Variants in TRIM44 observed in about 807,000 individuals in gnomAD.
TRIM44 encodes tripartite motif containing 44.
A neutral mutation model predicts 37.4 loss-of-function variants in TRIM44; 13 were observed. The observed-to-expected ratio is 0.35, with a 90% confidence interval of 0.23 to 0.55. The LOEUF is 0.55. Among genes scored for constraint, TRIM44 ranks in the 20% least tolerant of loss-of-function variants. TRIM44 has a pLI of 0.89. For missense variants in TRIM44, 426 were observed against 437.2 expected (o/e 0.97, Z 0.23); for synonymous variants, 175 against 157.2 (o/e 1.11, Z -0.85).
At chr11:35,788,370 T>C (rs1853156933) in intron 4 of TRIM44, among the ~76,000 whole-genome samples, 1 of 152,202 alleles carries the variant, frequency 6.6e-6, no homozygotes, top group Non-Finnish European at 1.5e-5. Flanking sequence ...ATTCAAGGAT[T>C]ATCTGTGGAT....
chr11:35,700,099 CT>C (rs890022854), intron 2 of TRIM44, among the ~76,000 whole-genome samples: 23 of 152,206 alleles, frequency 1.5e-4, no homozygotes, highest in Admixed American at 5.2e-4. Context: ...GAAAAAACTA[CT>C]TTAAAGTTCA....
intron 4 of TRIM44, among the ~76,000 whole-genome samples, chr11:35,775,983 A>G (rs965938715): frequency 1.3e-5 from 2 of 152,256 alleles, no homozygotes; most frequent in Non-Finnish European, 2.9e-5. Flanking sequence ...TGCTGGCCTC[A>G]TAAAATGAGT....
At chr11:35,682,049 C>G (rs1308146062) in intron 1 of TRIM44, among the ~76,000 whole-genome samples, 1 of 150,364 alleles carries the variant, frequency 6.7e-6, no homozygotes, top group Non-Finnish European at 1.5e-5. Flanking sequence ...GCCTCTGCCT[C>G]CCAGGTTCAG....
Position 35,715,222 on chromosome 11 carries a change from G to A in TRIM44, c.748-10702G>A, listed in dbSNP as rs185789546. Among the ~76,000 whole-genome samples the A allele has an allele frequency of 1.1e-4, 16 of 152,256 alleles. No homozygotes were observed. In the East Asian group the frequency reaches 2.7e-3, roughly 26 times the overall value. Reference sequence around the variant, plus strand: ...CTGGGAGGAGAGGATGCTTGGCGGCGATGCCACAGTCATAGTGGTTAGACA... The same window carrying A: ...CTGGGAGGAGAGGATGCTTGGCGGCAATGCCACAGTCATAGTGGTTAGACA... On this transcript the variant is annotated intron_variant, in intron 2 of 4. Coordinates refer to ENST00000299413, the MANE Select transcript of TRIM44 (RefSeq NM_017583.6).
chr11:35,754,666 C>T (rs1218839739), intron 4 of TRIM44, among the ~76,000 whole-genome samples: 5 of 136,004 alleles, frequency 3.7e-5, no homozygotes, highest in African/African-American at 1.3e-4. Flanking sequence ...CCCCCCACCC[C>T]ACAGCAGGCC....
chr11:35,746,093 G>T (rs1428097044), intron 4 of TRIM44, among the ~76,000 whole-genome samples: 2 of 152,206 alleles, frequency 1.3e-5, no homozygotes, highest in Non-Finnish European at 2.9e-5. Context: ...CAATTAAGTT[G>T]ATGTGAAGGA....
chr11:35,762,422 T>C (rs1348768552), intron 4 of TRIM44, among the ~76,000 whole-genome samples: 1 of 152,174 alleles, frequency 6.6e-6, no homozygotes, highest in Non-Finnish European at 1.5e-5. Context: ...TGAAGAATGC[T>C]CACTCCAGAG....
chr11:35,748,332 A>AAGTGATGAACTTGTTTAGGT (rs1463091848), intron 4 of TRIM44, among the ~76,000 whole-genome samples: 1 of 152,184 alleles, frequency 6.6e-6, no homozygotes, highest in Non-Finnish European at 1.5e-5. Flanking sequence ...GGACTCGAGG[A>AAGTGATGAACTTGTTTAGGT]AGTGATGAAC....
At chr11:35,690,589 A>C (rs993147950) in intron 2 of TRIM44, among the ~76,000 whole-genome samples, 1 of 152,208 alleles carries the variant, frequency 6.6e-6, no homozygotes, top group Non-Finnish European at 1.5e-5. Context: ...CTCAGCTATC[A>C]AGTTGTTACA....
chr11:35,761,470 C>T (rs1282607151), intron 4 of TRIM44, among the ~76,000 whole-genome samples: 7 of 151,958 alleles, frequency 4.6e-5, no homozygotes, highest in Non-Finnish European at 1.0e-4. Flanking sequence ...GACTCATGAA[C>T]CCATGGCCAT....
chr11:35,672,528 T>G (rs1851407236), intron 1 of TRIM44, among the ~76,000 whole-genome samples: 1 of 152,204 alleles, frequency 6.6e-6, no homozygotes, highest in Non-Finnish European at 1.5e-5. Context: ...TAAAGACAGA[T>G]CAAAAGGGTT....
intron 4 of TRIM44, among the ~76,000 whole-genome samples, chr11:35,780,018 A>G (rs146889605): frequency 8.2e-4 from 125 of 152,078 alleles, no homozygotes; most frequent in African/African-American, 2.9e-3. Context: ...GCCTTATAGT[A>G]TAGTTTGAAG....
chr11:35,782,070 C>A (rs1391872989), intron 4 of TRIM44, among the ~76,000 whole-genome samples: 1 of 152,124 alleles, frequency 6.6e-6, no homozygotes, highest in East Asian at 1.9e-4. Context: ...AAGTAAGGAT[C>A]CTTGCTGTTG....
chr11:35,712,191 G>C (rs2135508615), intron 2 of TRIM44, among the ~76,000 whole-genome samples: 1 of 152,254 alleles, frequency 6.6e-6, no homozygotes, highest in South Asian at 2.1e-4. Flanking sequence ...CCTTGGGAGT[G>C]TGTAGTTGTG....
chr11:35,776,611 C>T (rs1852966548), intron 4 of TRIM44, among the ~76,000 whole-genome samples: 1 of 152,150 alleles, frequency 6.6e-6, no homozygotes, highest in Non-Finnish European at 1.5e-5. Context: ...TATAAATTTC[C>T]CTCTACACAC....
chr11:35,678,855 C>T (rs1851494273), intron 1 of TRIM44, among the ~76,000 whole-genome samples: 1 of 152,156 alleles, frequency 6.6e-6, no homozygotes, highest in Non-Finnish European at 1.5e-5. Context: ...CCACTTTGGC[C>T]TCCCAAAGTG....
chr11:35,817,744 C>T lies in TRIM44; in HGVS notation c.*11359C>T, dbSNP rs1853595918. The T allele has an allele frequency of 6.6e-6, 1 of 152,176 alleles. No individual in the cohort carries two copies. Among genetic ancestry groups the T allele is most frequent in the Admixed American group, 6.5e-5 (1 of 15,284 alleles). The allele number at this position is 152,176 out of a possible 1,614,324, so 9.4% of individuals were successfully genotyped here. On this transcript the variant is annotated 3_prime_UTR_variant, in exon 5 of 5. Coordinates refer to ENST00000299413, the MANE Select transcript of TRIM44 (RefSeq NM_017583.6). ...GTGGGACCTGGTGGGAAGATTGGAT[C>T]ATGGGGGAGTTTTCTCATGATTTAA...
intron 4 of TRIM44, among the ~76,000 whole-genome samples, chr11:35,740,648 C>T (rs1852385514): frequency 6.6e-6 from 1 of 152,176 alleles, no homozygotes; most frequent in African/African-American, 2.4e-5. Context: ...GGAGAGTCAG[C>T]AGACCTAGCT....
intron 4 of TRIM44, among the ~76,000 whole-genome samples, chr11:35,765,344 A>G (rs893502284): frequency 3.3e-5 from 5 of 152,210 alleles, no homozygotes; most frequent in African/African-American, 1.2e-4. Flanking sequence ...ATCTACCAGT[A>G]TGAGAACCCA....
Sources: allele counts gnomAD v4.1 joint callset (sites outside exome capture counted in the v4.1 genomes callset), GRCh38; gene constraint gnomAD v4.1.1; transcripts MANE v1.5; gene names NCBI Gene and HGNC (gene_info 2026-07-23, HGNC 2026-07-21).